Variants in TRAPPC8 observed in about 807,000 individuals in gnomAD.
TRAPPC8 encodes the protein trafficking protein particle complex subunit 8, also known as general sporulation gene 1 homolog.
A neutral mutation model predicts 174.3 loss-of-function variants in TRAPPC8; 54 were observed. The ratio of observed to expected loss-of-function variants is 0.31; its 90% CI spans 0.25 to 0.39. The LOEUF (loss-of-function observed/expected upper bound fraction) is 0.39. Ranked by LOEUF, TRAPPC8 falls within the 10% of genes least tolerant of loss-of-function variation. The pLI is 1.00. For synonymous variants in TRAPPC8, 630 were observed against 579.9 expected, an observed-to-expected ratio of 1.09 and a Z score of -1.24; for missense variants, 1,531 against 1,699.1, an observed-to-expected ratio of 0.90 and a Z score of 1.74.
chr18:31,889,610 G>C (rs901206789), intron 12 of TRAPPC8, among the ~76,000 whole-genome samples: 2 of 147,058 alleles, frequency 1.4e-5, no homozygotes, highest in African/African-American at 5.0e-5. Context: ...ATGAAAAGTA[G>C]TAATAGTTAT....
At chr18:31,884,119 G>A (rs148281176) in intron 12 of TRAPPC8, among the ~76,000 whole-genome samples, 75 of 152,274 alleles carry the variant, frequency 4.9e-4, no homozygotes, top group African/African-American at 1.8e-3. Flanking sequence ...AACCTGGGAG[G>A]CAGAGGTTGC....
chr18:31,841,463 T>C (rs558549432), intron 26 of TRAPPC8, among the ~76,000 whole-genome samples: 2 of 152,244 alleles, frequency 1.3e-5, no homozygotes, highest in Admixed American at 6.5e-5. Context: ...TACAATGTAA[T>C]AGCCTTTACA....
chr18:31,924,706 C>A (rs1212104633), intron 2 of TRAPPC8, among the ~76,000 whole-genome samples: 1 of 143,678 alleles, frequency 7.0e-6, no homozygotes, highest in Non-Finnish European at 1.5e-5. Context: ...CCACTGCACT[C>A]CAGCCTGGGC....
At chr18:31,921,869 G>A (rs1454729942) in intron 2 of TRAPPC8, among the ~76,000 whole-genome samples, 1 of 152,178 alleles carries the variant, frequency 6.6e-6, no homozygotes, top group African/African-American at 2.4e-5. Flanking sequence ...AATTCAATAT[G>A]TTTATGTCAC....
intron 5 of TRAPPC8, among the ~76,000 whole-genome samples, chr18:31,911,163 TCA>T (rs1208587519): frequency 2.6e-5 from 4 of 152,324 alleles, no homozygotes; most frequent in Admixed American, 6.5e-5. Context: ...TTTTTAAATG[TCA>T]CACACAGAGT....
intron 12 of TRAPPC8, among the ~76,000 whole-genome samples, chr18:31,885,782 C>T (rs2035678708): frequency 6.6e-6 from 1 of 151,550 alleles, no homozygotes; most frequent in Non-Finnish European, 1.5e-5. Flanking sequence ...ATTGCTTGAA[C>T]CTGGGAGGCG....
chr18:31,837,736 A>T (rs1333282002), intron 27 of TRAPPC8, among the ~76,000 whole-genome samples: 1 of 152,040 alleles, frequency 6.6e-6, no homozygotes, highest in Non-Finnish European at 1.5e-5. Context: ...AGAAGAAAAA[A>T]AAATATTTTA....
chr18:31,862,111 A>G (rs1369574747), intron 19 of TRAPPC8, among the ~76,000 whole-genome samples: 2 of 152,126 alleles, frequency 1.3e-5, no homozygotes, highest in African/African-American at 2.4e-5. Flanking sequence ...TCCAAACAAA[A>G]TGTTCATTAG....
chr18:31,852,052 T>G (rs1380675154), intron 24 of TRAPPC8, among the ~76,000 whole-genome samples: 1 of 152,084 alleles, frequency 6.6e-6, no homozygotes, highest in Non-Finnish European at 1.5e-5. Flanking sequence ...CCAAAGAGTC[T>G]GAGGAGGCTG....
chr18:31,874,543 A>C lies in TRAPPC8; in HGVS notation c.1890T>G (p.Asn630Lys). The C allele has an allele frequency of 6.2e-7, 1 of 1,614,160 alleles. No individual in the cohort carries two copies. Among genetic ancestry groups the C allele is most frequent in the Admixed American group, 1.7e-5 (1 of 60,030 alleles). The change falls in exon 13 of 29, where the codon AAT (asparagine) becomes AAG (lysine). Residue 630 changes from asparagine (N) to lysine (K), a missense_variant. Physicochemically the swap from Asn to Lys is moderately conservative, Grantham distance 94 (BLOSUM62 0). Coordinates refer to ENST00000283351, the MANE Select transcript of TRAPPC8 (RefSeq NM_014939.5). ...GTTGAGCAGCAGATTGTTTACTTTC[A>C]TTAATTAGAATATGCCTAAAAGCAG... ...AVSAFRHILI[N>K]ESKQSAAQQG...
Position 31,942,775 on chromosome 18 carries a change from C to T in TRAPPC8, c.-11G>A. 4 of 1,424,304 alleles carry T rather than the reference C, an allele frequency of 2.8e-6. No homozygotes were observed. The highest frequency in any genetic ancestry group is 2.8e-6 in the Non-Finnish European group (3 of 1,080,194). The allele number at this position is 1,424,304 out of a possible 1,614,324, so 88.2% of individuals were successfully genotyped here. On this transcript the variant is annotated 5_prime_UTR_variant, in exon 1 of 29. It adds an upstream start codon to the 5' untranslated region. Transcript: ENST00000283351. Reference sequence around the variant, plus strand: ...TACACACTGGGCCATCGCCGCAGCACAGGCAGCGGCGGCGCCCGCCCTCCG... The same window carrying T: ...TACACACTGGGCCATCGCCGCAGCATAGGCAGCGGCGGCGCCCGCCCTCCG...
intron 13 of TRAPPC8, 37 bp downstream of exon 13, chr18:31,874,443 T>C: frequency 2.6e-6 from 4 of 1,563,280 alleles, no homozygotes; most frequent in Middle Eastern, 1.7e-4. Flanking sequence ...TAAAATACAG[T>C]TTTAATATCT....
rs1221672982 is a variant in TRAPPC8, at chr18:31,874,475, G to C, written c.1953+5C>G. 6.2e-7 allele frequency: 1 copy of C among 1,612,374 alleles called. No individual in the cohort carries two copies. The highest frequency in any genetic ancestry group is 8.5e-7 in the Non-Finnish European group (1 of 1,178,574). On this transcript the variant is annotated splice_donor_5th_base_variant and intron_variant, in intron 13 of 28. Coordinates refer to ENST00000283351, the MANE Select transcript of TRAPPC8 (RefSeq NM_014939.5). ...ATCTATTCCTGAATGAAAATAAGCA[G>C]TCACCTTGTAAACATAAAGATATTC...
At chr18:31,876,436 G>A (rs1410610649) in intron 12 of TRAPPC8, among the ~76,000 whole-genome samples, 1 of 133,080 alleles carries the variant, frequency 7.5e-6, no homozygotes, top group African/African-American at 2.9e-5. Flanking sequence ...CTTACAGTAA[G>A]CCAAGATTGT....
intron 1 of TRAPPC8, among the ~76,000 whole-genome samples, chr18:31,941,427 G>A (rs760330318): frequency 6.6e-6 from 1 of 152,216 alleles, no homozygotes; most frequent in East Asian, 1.9e-4. Context: ...TGGGCAACAA[G>A]AGCGAAACTC....
chr18:31,929,009 C>A (rs2037741346), intron 2 of TRAPPC8, among the ~76,000 whole-genome samples: 1 of 151,726 alleles, frequency 6.6e-6, no homozygotes, highest in Non-Finnish European at 1.5e-5. Context: ...GATGAAACTC[C>A]ATCACCTCTA....
chr18:31,931,221 A>G, intron 2 of TRAPPC8, 108 bp downstream of exon 2: 1 of 1,031,446 alleles, frequency 9.7e-7, no homozygotes, highest in Non-Finnish European at 1.3e-6. Flanking sequence ...AGGCCCTAGC[A>G]CTTAGTAAAC....
intron 27 of TRAPPC8, among the ~76,000 whole-genome samples, chr18:31,837,058 G>A (rs973581433): frequency 8.5e-5 from 13 of 152,050 alleles, no homozygotes; most frequent in African/African-American, 1.9e-4. Flanking sequence ...CACCGCGCCC[G>A]GCCCATCCTT....
In TRAPPC8 at chr18:31,901,169, G is replaced by GA. The variant is rs560971287; in HGVS notation, c.1390-145dup. 504 of 614,900 alleles carry GA rather than the reference G, an allele frequency of 8.2e-4. 1 individual carries two copies. Among genetic ancestry groups the GA allele is most frequent in the Non-Finnish European group, 1.1e-3 (432 of 378,168 alleles). 38.1% of individuals were successfully genotyped at this position (614,900 alleles called of 1,614,324 possible). On this transcript the variant is annotated intron_variant, in intron 9 of 28. Transcript: ENST00000283351. ...AAACTTCATAGCCTAATGCAGACTT[G>GA]AAAAACACATTTGTAGCCCAGTCAC... is the stretch of plus-strand genomic sequence containing the variant.
Sources: gnomAD v4.1 joint callset for allele counts (sites outside exome capture counted in the v4.1 genomes callset) on GRCh38, gnomAD v4.1.1 for gene constraint, MANE v1.5 for transcripts, NCBI Gene and HGNC (gene_info 2026-07-23, HGNC 2026-07-21) for gene names.